SPAG17: variants seen among roughly 807,000 people sequenced by gnomAD.
SPAG17 encodes the protein sperm associated antigen 17.
Under a neutral mutation model 273.6 loss-of-function variants are expected in SPAG17, and 169 were observed. The ratio of observed to expected loss-of-function variants is 0.62; its 90% CI spans 0.55 to 0.70. The LOEUF (loss-of-function observed/expected upper bound fraction) is 0.70. Among genes scored for constraint, SPAG17 ranks in the 30% least tolerant of loss-of-function variants. The pLI is 0.00. For synonymous variants in SPAG17, 825 were observed against 873.2 expected, an observed-to-expected ratio of 0.94 and a Z score of 0.97; for missense variants, 2,557 against 2,627.8, an observed-to-expected ratio of 0.97 and a Z score of 0.59.
chr1:118,111,710 T>C (rs1190274160), intron 4 of SPAG17, among the ~76,000 whole-genome samples: 1 of 152,112 alleles, frequency 6.6e-6, no homozygotes, highest in Non-Finnish European at 1.5e-5. Context: ...AGGCTCTGGG[T>C]TGCTTGTGGC....
At chr1:117,996,011 C>T (rs1354421116) in intron 34 of SPAG17, among the ~76,000 whole-genome samples, 1 of 151,976 alleles carries the variant, frequency 6.6e-6, no homozygotes, top group Non-Finnish European at 1.5e-5. Context: ...AATGAATTTA[C>T]AAGAGATATC....
chr1:118,170,496 G>A (rs1660371687), intron 1 of SPAG17, among the ~76,000 whole-genome samples: 1 of 152,100 alleles, frequency 6.6e-6, no homozygotes, highest in Non-Finnish European at 1.5e-5. Context: ...AGAAGTTCAT[G>A]TCAAGCAAGG....
chr1:117,954,471 C>A, intron 48 of SPAG17: 2 of 1,079,426 alleles, frequency 1.9e-6, no homozygotes, highest in South Asian at 1.6e-5. Context: ...TTTTTAGGGT[C>A]TCTTTTTTCC....
chr1:118,133,781 T>A (rs188003666), intron 3 of SPAG17, among the ~76,000 whole-genome samples: 3 of 152,328 alleles, frequency 2.0e-5, no homozygotes, highest in Non-Finnish European at 4.4e-5. Flanking sequence ...CTTATCCTTT[T>A]TGTATTATTC....
chr1:117,957,087 C>G, intron 48 of SPAG17: 2 of 1,597,596 alleles, frequency 1.3e-6, no homozygotes, highest in Middle Eastern at 1.7e-4. Context: ...AGAATCTCTA[C>G]TTGTGCTGCC....
At chr1:118,168,014 C>A (rs928246040) in intron 1 of SPAG17, among the ~76,000 whole-genome samples, 1 of 152,216 alleles carries the variant, frequency 6.6e-6, no homozygotes, top group African/African-American at 2.4e-5. Context: ...TGACTGGAAG[C>A]TTCCTGAGGC....
At chr1:118,003,740 T>A (rs1485219130) in intron 32 of SPAG17, among the ~76,000 whole-genome samples, 2 of 152,194 alleles carry the variant, frequency 1.3e-5, no homozygotes, top group African/African-American at 2.4e-5. Context: ...GTTTTTAGCT[T>A]CCTTGCGATG....
At chr1:118,183,186 C>T (rs1661026269) in intron 1 of SPAG17, among the ~76,000 whole-genome samples, 1 of 152,112 alleles carries the variant, frequency 6.6e-6, no homozygotes, top group Non-Finnish European at 1.5e-5. Context: ...TAATACAACA[C>T]ATAAACTAGC....
chr1:117,997,884 GGCTATA>G (rs1322214951), intron 32 of SPAG17, among the ~76,000 whole-genome samples: 1 of 152,012 alleles, frequency 6.6e-6, no homozygotes, highest in Non-Finnish European at 1.5e-5. Context: ...TTAGTTCATG[GGCTATA>G]GATAAACAAG....
At chr1:117,961,313 AT>A (rs1452297287) in intron 48 of SPAG17, 2 of 152,160 alleles carry the variant, frequency 1.3e-5, no homozygotes, top group Admixed American at 6.5e-5. Flanking sequence ...AAAAATCTGT[AT>A]AACAGTGGAG....
chr1:118,008,971 C>T (rs1659188955), intron 30 of SPAG17, among the ~76,000 whole-genome samples: 1 of 152,086 alleles, frequency 6.6e-6, no homozygotes, highest in African/African-American at 2.4e-5. Flanking sequence ...ATATTATACT[C>T]AATGCTGCAA....
chr1:118,117,790 G>A (rs1299115042), intron 3 of SPAG17, among the ~76,000 whole-genome samples: 1 of 152,226 alleles, frequency 6.6e-6, no homozygotes, highest in Non-Finnish European at 1.5e-5. Context: ...GAATGGCAGA[G>A]GCCAGGCATA....
chr1:118,136,082 G>A (rs1658338696), intron 3 of SPAG17, among the ~76,000 whole-genome samples: 1 of 152,126 alleles, frequency 6.6e-6, no homozygotes, highest in Non-Finnish European at 1.5e-5. Flanking sequence ...AAGGTTGTTG[G>A]TGGGATCAAA....
chr1:118,030,596 T>C (rs1648336297), intron 25 of SPAG17, among the ~76,000 whole-genome samples: 1 of 152,090 alleles, frequency 6.6e-6, no homozygotes, highest in Non-Finnish European at 1.5e-5. Flanking sequence ...CTCCTTGCCC[T>C]TGACCCCCTG....
chr1:118,171,433 C>G (rs1660412947), intron 1 of SPAG17, among the ~76,000 whole-genome samples: 1 of 152,116 alleles, frequency 6.6e-6, no homozygotes, highest in East Asian at 1.9e-4. Context: ...ATTTATGTGT[C>G]TCACAATAGA....
chr1:118,080,899 G>A (rs1172804852), intron 15 of SPAG17, among the ~76,000 whole-genome samples: 1 of 151,968 alleles, frequency 6.6e-6, no homozygotes, highest in Non-Finnish European at 1.5e-5. Context: ...GGTTAAGTGT[G>A]GACTAAGAGG....
intron 3 of SPAG17, among the ~76,000 whole-genome samples, chr1:118,128,543 T>C (rs1355003840): frequency 1.3e-5 from 2 of 152,330 alleles, no homozygotes; most frequent in East Asian, 3.9e-4. Flanking sequence ...GGCAGCCACC[T>C]CCATTTTCTA....
intron 34 of SPAG17, 48 bp from the exon 35 acceptor site, chr1:117,994,578 CAG>C: frequency 6.4e-7 from 1 of 1,560,330 alleles, no homozygotes; most frequent in Non-Finnish European, 8.6e-7. Flanking sequence ...TGAAAGTACT[CAG>C]AGAAAATGAA....
chr1:117,973,280 G>T, intron 44 of SPAG17, 145 bp downstream of exon 44: 1 of 1,009,250 alleles, frequency 9.9e-7, no homozygotes, highest in Non-Finnish European at 1.4e-6. Context: ...GTCAATAGCA[G>T]TACACAGTGG....
Sources: gnomAD v4.1 joint callset for allele counts (sites outside exome capture counted in the v4.1 genomes callset) on GRCh38, gnomAD v4.1.1 for gene constraint, MANE v1.5 for transcripts, NCBI Gene and HGNC (gene_info 2026-07-23, HGNC 2026-07-21) for gene names.